Variants in TFG observed in about 807,000 individuals in gnomAD.
TFG encodes protein TFG.
TFG carries 22 observed loss-of-function variants against 51.4 expected under a neutral mutation model. The observed-to-expected ratio is 0.43, with a 90% CI of 0.31 to 0.61. The LOEUF (loss-of-function observed/expected upper bound fraction) is 0.61. Ranked by LOEUF, TFG falls within the 20% of genes least tolerant of loss-of-function variation. The probability of loss-of-function intolerance (pLI) is 0.12; values close to 1 mark genes in which losing one functional copy is unlikely to be tolerated. For synonymous variants in TFG, 187 were observed against 165.6 expected (o/e 1.13, Z -0.99); for missense variants, 419 against 487.7 (o/e 0.86, Z 1.33).
At chr3:100,747,796 A>T (rs889467824) in intron 7 of TFG, among the ~76,000 whole-genome samples, 2 of 152,198 alleles carry the variant, frequency 1.3e-5, no homozygotes, top group Non-Finnish European at 2.9e-5. Context: ...GATACTGTTA[A>T]GTAGGTCTCC....
At chr3:100,732,193 C>G (rs917771513) in intron 4 of TFG, among the ~76,000 whole-genome samples, 2 of 151,718 alleles carry the variant, frequency 1.3e-5, no homozygotes, top group Non-Finnish European at 2.9e-5. Context: ...CCAAAAAAAC[C>G]AAAAAAAGTA....
At chr3:100,738,056 C>T (rs578077016) in intron 6 of TFG, among the ~76,000 whole-genome samples, 3 of 144,364 alleles carry the variant, frequency 2.1e-5, no homozygotes, top group East Asian at 2.0e-4. Flanking sequence ...GGCAACAGAA[C>T]GAGACCCTGT....
rs1177336271 is a variant in TFG at position 100,748,343 on chromosome 3, T to C, written c.1015T>C (p.Tyr339His). ...TGCCCAAACTTCTCAGCCTACTAAT[T>C]ATACTGTGGCTCCTGCCTCTCAACC... ...YTAQTSQPTNYTVAPASQPGM... is the reference protein window; with the variant it reads ...YTAQTSQPTNHTVAPASQPGM... The change falls in exon 8 of 8, where the codon TAT becomes CAT. Residue 339 changes from tyrosine to histidine, a missense_variant. Physicochemically the swap from Tyr to His is moderately conservative, Grantham distance 83. This residue lies in a region of TFG where 391 missense variants were observed against 434.4 expected (regional missense o/e 0.90). Transcript: ENST00000240851. 6.2e-7 allele frequency: 1 copy of C among 1,614,096 alleles called. No homozygotes were observed.
At chr3:100,741,291 A>G (rs1193667378) in intron 6 of TFG, among the ~76,000 whole-genome samples, 2 of 152,204 alleles carry the variant, frequency 1.3e-5, no homozygotes, top group African/African-American at 2.4e-5. Flanking sequence ...AAGACCTTCC[A>G]GTGGGACAGG....
rs150620449 is a variant in TFG, at chr3:100,720,048, G to T, written c.258G>T (p.Leu86=). 2,076 of 1,553,050 alleles carry T rather than the reference G, an allele frequency of 1.3e-3. 1 individual carries two copies. The highest frequency in any genetic ancestry group is 1.7e-3 in the Non-Finnish European group (1,929 of 1,148,578). ...FAIQCSRILK[L]TLFVNGQPRP... ...TTCAGTGCAGTAGGATACTGAAACTGACATTATTTGGTGAGTAGTAAACTT... is the reference window on the plus strand; with the variant it reads ...TTCAGTGCAGTAGGATACTGAAACTTACATTATTTGGTGAGTAGTAAACTT... The change falls in exon 3 of 8, where the codon CTG becomes CTT. Residue 86 remains leucine (L), a synonymous_variant. Transcript: ENST00000240851.
intron 6 of TFG, chr3:100,743,081 A>G (rs1256296358): frequency 2.0e-5 from 3 of 152,214 alleles, no homozygotes; most frequent in Non-Finnish European, 4.4e-5. Context: ...AATATATGCA[A>G]AATGACTTTA....
intron 1 of TFG, among the ~76,000 whole-genome samples, chr3:100,712,196 G>T (rs2095033171): frequency 6.6e-6 from 1 of 152,132 alleles, no homozygotes; most frequent in South Asian, 2.1e-4. Flanking sequence ...TAGTTAGATG[G>T]AAGGACCTAG....
chr3:100,740,945 C>A (rs538759301), intron 6 of TFG, among the ~76,000 whole-genome samples: 4 of 152,186 alleles, frequency 2.6e-5, no homozygotes, highest in Non-Finnish European at 5.9e-5. Flanking sequence ...TGAAAAATTT[C>A]TATTGCCTAG....
At chr3:100,715,112 C>G (rs2095041996) in intron 2 of TFG, among the ~76,000 whole-genome samples, 1 of 152,178 alleles carries the variant, frequency 6.6e-6, no homozygotes, top group Non-Finnish European at 1.5e-5. Context: ...CACTGCTTAA[C>G]CTAGTTTTCT....
At chr3:100,742,089 G>A (rs965420587) in intron 6 of TFG, among the ~76,000 whole-genome samples, 2 of 152,108 alleles carry the variant, frequency 1.3e-5, no homozygotes, top group Non-Finnish European at 2.9e-5. Context: ...GATCTCTCAA[G>A]TATGTGAAGA....
intron 1 of TFG, among the ~76,000 whole-genome samples, chr3:100,712,666 A>G (rs1426862507): frequency 2.0e-5 from 3 of 152,240 alleles, no homozygotes; most frequent in Non-Finnish European, 4.4e-5. Context: ...CTCTGGGAAT[A>G]TGGAAAACAT....
intron 5 of TFG, 63 bp from the exon 6 acceptor site, chr3:100,736,513 C>G: frequency 1.3e-6 from 2 of 1,574,814 alleles, no homozygotes; most frequent in Non-Finnish European, 8.7e-7. Flanking sequence ...AAACTTATTC[C>G]TTGAGCTTGC....
At chr3:100,724,240 G>T (rs1036575439) in intron 3 of TFG, among the ~76,000 whole-genome samples, 1 of 152,156 alleles carries the variant, frequency 6.6e-6, no homozygotes, top group Non-Finnish European at 1.5e-5. Context: ...AAGAGCAGAC[G>T]TGAACTAGAA....
intron 2 of TFG, 49 bp from the exon 3 acceptor site, chr3:100,719,926 T>C: frequency 8.0e-7 from 1 of 1,248,472 alleles, no homozygotes; most frequent in Non-Finnish European, 1.1e-6. Flanking sequence ...TATACAAATC[T>C]GAAAATTTAA....
intron 4 of TFG, 67 bp downstream of exon 4, chr3:100,728,925 C>CT: frequency 7.3e-7 from 1 of 1,369,080 alleles, no homozygotes; most frequent in South Asian, 1.6e-5. Flanking sequence ...TTAAAAAACT[C>CT]TTTTTAAGTA....
Position 100,728,697 on chromosome 3 carries a change from A to T in TFG, c.269-15A>T. Reference sequence around the variant, plus strand: ...TGAACTTCTAATTTTAAGCAAATAAATGTTTTTATTTCAGTTAATGGCCAG... The same window carrying T: ...TGAACTTCTAATTTTAAGCAAATAATTGTTTTTATTTCAGTTAATGGCCAG... On this transcript the variant is annotated splice_polypyrimidine_tract_variant and intron_variant, in intron 3 of 7. Coordinates refer to ENST00000240851, the MANE Select transcript of TFG (RefSeq NM_006070.6). 1 of 1,570,706 alleles carries T rather than the reference A, an allele frequency of 6.4e-7. No homozygotes were observed. The highest frequency in any genetic ancestry group is 8.6e-7 in the Non-Finnish European group (1 of 1,162,120).
At chr3:100,724,055 A>G (rs2095068231) in intron 3 of TFG, among the ~76,000 whole-genome samples, 1 of 152,176 alleles carries the variant, frequency 6.6e-6, no homozygotes, top group African/African-American at 2.4e-5. Flanking sequence ...GGAATTATAA[A>G]TAAGTAGATA....
chr3:100,738,222 T>A lies in TFG; in HGVS notation c.721+1506T>A, dbSNP rs573982536. On this transcript the variant is annotated intron_variant, in intron 6 of 7. Transcript: ENST00000240851. Reference sequence around the variant, plus strand: ...AAGCCTTTTCTCAACCAACTTTAATTAACTCCTCCTCTGCACCAAAATGCT... The same window carrying A: ...AAGCCTTTTCTCAACCAACTTTAATAAACTCCTCCTCTGCACCAAAATGCT... Among the ~76,000 whole-genome samples, 4 of 152,336 alleles carry A rather than the reference T, an allele frequency of 2.6e-5. No homozygotes were observed. In the South Asian group the frequency reaches 8.3e-4, roughly 32 times the overall value.
chr3:100,747,974 CTT>C (rs1184941964), intron 7 of TFG, among the ~76,000 whole-genome samples, 173 bp from the exon 8 acceptor site: 2 of 152,114 alleles, frequency 1.3e-5, no homozygotes, highest in Non-Finnish European at 2.9e-5. Context: ...GAGAATGCCT[CTT>C]TGATAACTAC....
Sources: allele counts gnomAD v4.1 joint callset (sites outside exome capture counted in the v4.1 genomes callset), GRCh38; gene constraint gnomAD v4.1.1; regional missense constraint gnomAD v4.1.1; transcripts MANE v1.5; gene names NCBI Gene and HGNC (gene_info 2026-07-23, HGNC 2026-07-21).